Variants in ADAM20 observed in about 807,000 individuals in gnomAD.
The protein encoded by ADAM20 is disintegrin and metalloproteinase domain-containing protein 20.
For missense variants in ADAM20, 871 were observed against 883.2 expected (o/e 0.99, Z 0.18); for synonymous variants, 305 against 310.2 (o/e 0.98, Z 0.18).
rs377009908 is a variant in ADAM20 at position 70,524,285 on chromosome 14, A to G, written c.473T>C (p.Val158Ala). 1 of 1,613,984 alleles carries G rather than the reference A, an allele frequency of 6.2e-7. No homozygotes were observed. Among genetic ancestry groups the G allele is most frequent in the Non-Finnish European group, 8.5e-7 (1 of 1,179,950 alleles). The change falls in exon 2 of 2, where the codon GTA becomes GCA. Residue 158 changes from valine to alanine, a missense_variant. Val to Ala is a moderately conservative substitution (Grantham distance 64). Transcript: ENST00000256389. ...ISVSATFEHL[V>A]YKIDSDDTQF... ...TGTATCATCACTGTCTATCTTATAT[A>G]CTAGGTGTTCAAATGTGGCAGAAAC...
the ADAM20 span, among the ~76,000 whole-genome samples, chr14:70,574,047 A>G: frequency 6.6e-6 from 1 of 152,256 alleles, no homozygotes; most frequent in Non-Finnish European, 1.5e-5. Flanking sequence ...AGAACAGTCT[A>G]GCCAACAGCA....
Position 70,523,330 on chromosome 14 carries a change from C to T in ADAM20, c.1428G>A (p.Glu476=), listed in dbSNP as rs771211807. The part of the protein sequence containing the change: ...RQQVGECDLP[E]WCNGTSHQCP... ...ATTGATGGGATGTCCCATTGCACCA[C>T]TCTGGAAGGTCACATTCACCAACTT... Residue 476 remains glutamate, a synonymous_variant, in exon 2 of 2, where the codon GAG becomes GAA. Coordinates refer to ENST00000256389, the MANE Select transcript of ADAM20 (RefSeq NM_003814.5). The T allele has an allele frequency of 4.8e-5, 78 of 1,613,922 alleles. No homozygotes were observed. Among genetic ancestry groups the T allele is most frequent in the Non-Finnish European group, 5.9e-5 (70 of 1,179,962 alleles).
the ADAM20 span, among the ~76,000 whole-genome samples, chr14:70,559,322 T>C: frequency 1.3e-5 from 2 of 151,274 alleles, no homozygotes; most frequent in African/African-American, 2.4e-5. Context: ...CTTTTTTTTT[T>C]CATCATACCA....
chr14:70,556,408 C>T, the ADAM20 span: 1 of 152,488 alleles, frequency 6.6e-6, no homozygotes, highest in Non-Finnish European at 1.5e-5. Flanking sequence ...TCCAAGATGA[C>T]TGCTACTATC....
At chr14:70,562,045 C>T in the ADAM20 span, among the ~76,000 whole-genome samples, 1 of 152,226 alleles carries the variant, frequency 6.6e-6, no homozygotes, top group East Asian at 1.9e-4. Flanking sequence ...GATCCATGGA[C>T]AGCTTGAACC....
the ADAM20 span, among the ~76,000 whole-genome samples, chr14:70,569,509 G>A: frequency 2.0e-5 from 3 of 152,158 alleles, no homozygotes; most frequent in South Asian, 6.2e-4. Context: ...GTATTCTGCT[G>A]CCTTCAATAG....
the ADAM20 span, among the ~76,000 whole-genome samples, chr14:70,570,220 T>C: frequency 6.6e-6 from 1 of 151,948 alleles, no homozygotes; most frequent in African/African-American, 2.4e-5. Flanking sequence ...CCTAAGGTCA[T>C]ATCTAAAGGA....
chr14:70,547,546 C>CA, the ADAM20 span: 4 of 105,542 alleles, frequency 3.8e-5, no homozygotes, highest in Middle Eastern at 7.6e-3. Flanking sequence ...GGGTGACGGA[C>CA]GCACCTGGAA....
chr14:70,557,634 T>C, the ADAM20 span, among the ~76,000 whole-genome samples: 1 of 152,262 alleles, frequency 6.6e-6, no homozygotes, highest in Non-Finnish European at 1.5e-5. Flanking sequence ...AGATAGTGCA[T>C]GATCACTGTC....
the ADAM20 span, chr14:70,547,177 A>C: frequency 2.2e-4 from 34 of 152,256 alleles, no homozygotes; most frequent in African/African-American, 8.2e-4. Flanking sequence ...AGACCAATAA[A>C]AAATAACGAG....
the ADAM20 span, among the ~76,000 whole-genome samples, chr14:70,553,406 A>T: frequency 6.7e-6 from 1 of 148,940 alleles, no homozygotes; most frequent in African/African-American, 2.5e-5. Flanking sequence ...AAGTAGAGAA[A>T]GGGATACTTC....
chr14:70,562,756 T>A, the ADAM20 span, among the ~76,000 whole-genome samples: 1 of 152,190 alleles, frequency 6.6e-6, no homozygotes, highest in East Asian at 1.9e-4. Flanking sequence ...TCTGCCATGA[T>A]TGTAAGTTTC....
At chr14:70,574,602 T>C in the ADAM20 span, among the ~76,000 whole-genome samples, 2 of 151,386 alleles carry the variant, frequency 1.3e-5, no homozygotes, top group African/African-American at 2.4e-5. Flanking sequence ...ATCGCACCAC[T>C]GCACTCCAGC....
At chr14:70,537,365 T>C (rs541150984), upstream of ADAM20, among the ~76,000 whole-genome samples, 3 of 152,118 alleles carry the variant, frequency 2.0e-5, no homozygotes, top group Non-Finnish European at 2.9e-5. Flanking sequence ...CATACTTCCT[T>C]CACTCTCTTC....
intron 1 of ADAM20, among the ~76,000 whole-genome samples, chr14:70,526,849 T>G (rs1299180789): frequency 1.3e-5 from 2 of 152,174 alleles, no homozygotes; most frequent in African/African-American, 4.8e-5. Flanking sequence ...CAACACCCTA[T>G]CTTATGATCT....
At chr14:70,579,077 A>C in the ADAM20 span, among the ~76,000 whole-genome samples, 711 of 152,220 alleles carry the variant, frequency 4.7e-3, 8 homozygotes, top group African/African-American at 0.016. Flanking sequence ...TTTAAAATCC[A>C]ATCCACTCTT....
rs746279398 is a variant in ADAM20 at position 70,524,433 on chromosome 14, A to G, written c.325T>C (p.Cys109Arg). The change falls in exon 2 of 2, where the codon TGC (cysteine) becomes CGC (arginine). Residue 109 changes from cysteine (C) to arginine (R), a missense_variant. Cys to Arg is a radical substitution (Grantham distance 180, BLOSUM62 -3). Coordinates refer to ENST00000256389, the MANE Select transcript of ADAM20 (RefSeq NM_003814.5). ...CCCTCCACATAACCATGGTAGTAGCAGTCATCCTGGATGAAGGGCTGATCC... is the reference window on the plus strand; with the variant it reads ...CCCTCCACATAACCATGGTAGTAGCGGTCATCCTGGATGAAGGGCTGATCC... Reference protein sequence around the residue: ...LQDQPFIQDDCYYHGYVEGVP... With the variant: ...LQDQPFIQDDRYYHGYVEGVP... 3.1e-6 allele frequency: 5 copies of G among 1,614,048 alleles called. No homozygotes were observed. Among genetic ancestry groups the G allele is most frequent in the Non-Finnish European group, 4.2e-6 (5 of 1,179,938 alleles).
chr14:70,522,827 C>T lies in ADAM20; in HGVS notation c.1931G>A (p.Gly644Glu). Residue 644 changes from glycine to glutamate, a missense_variant, in exon 2 of 2, where the codon GGA (glycine) becomes GAA (glutamate). Gly to Glu is a moderately conservative substitution (Grantham distance 98). Coordinates refer to ENST00000256389, the MANE Select transcript of ADAM20 (RefSeq NM_003814.5). ...ACAGTGTTGTTTGTTGTTGCAGATT[C>T]CCCTCATGTTGCAGGTCTTAGGCTG... The part of the protein sequence containing the change: ...ACQPKTCNMR[G>E]ICNNKQHCHC... The T allele has an allele frequency of 6.2e-7, 1 of 1,614,028 alleles. No individual in the cohort carries two copies. Among genetic ancestry groups the T allele is most frequent in the South Asian group, 1.1e-5 (1 of 91,070 alleles).
At chr14:70,530,887 A>AG (rs1555355576) in intron 1 of ADAM20, among the ~76,000 whole-genome samples, 4 of 152,226 alleles carry the variant, frequency 2.6e-5, no homozygotes, top group South Asian at 2.1e-4. Flanking sequence ...AAAAAAAAAA[A>AG]AGAGAGAGAG....
Sources: gnomAD v4.1 joint callset for allele counts (sites outside exome capture counted in the v4.1 genomes callset) on GRCh38, gnomAD v4.1.1 for gene constraint, MANE v1.5 for transcripts, NCBI Gene and HGNC (gene_info 2026-07-23, HGNC 2026-07-21) for gene names.